Variants in TRIM66 observed in about 807,000 individuals in gnomAD.
TRIM66 encodes the protein tripartite motif-containing protein 66.
Under a neutral mutation model 148.2 loss-of-function variants are expected in TRIM66, and 99 were observed. The observed-to-expected ratio is 0.67, with a 90% CI of 0.57 to 0.79. The LOEUF (loss-of-function observed/expected upper bound fraction) is 0.79. Ranked by LOEUF, TRIM66 falls within the 30% of genes least tolerant of loss-of-function variation. The pLI is 0.00. For synonymous variants in TRIM66, 616 were observed against 635.9 expected, an observed-to-expected ratio of 0.97 and a Z score of 0.47; for missense variants, 1,666 against 1,697.9, an observed-to-expected ratio of 0.98 and a Z score of 0.33.
rs1302841029 is a variant in TRIM66 at position 8,679,720 on chromosome 11, C to T, written c.-290G>A. 6.6e-6 allele frequency: 1 copy of T among 152,664 alleles called. No homozygotes were observed. Among genetic ancestry groups the T allele is most frequent in the Non-Finnish European group, 1.5e-5 (1 of 68,088 alleles). 9.5% of individuals were successfully genotyped at this position (152,664 alleles called of 1,614,324 possible). On this transcript the variant is annotated 5_prime_UTR_variant, in exon 3 of 25. Transcript: ENST00000646038. The stretch of plus-strand genomic sequence containing the variant: ...TTTGATGTCAAATAGACGACGATGT[C>T]TTCTTTGATCTCCCCTCCTATTCTC...
chr11:8,642,925 C>T (rs946123356), intron 13 of TRIM66, 84 bp downstream of exon 13: 3 of 691,826 alleles, frequency 4.3e-6, no homozygotes, highest in Non-Finnish European at 6.4e-6. Flanking sequence ...TTCTCTTGGG[C>T]ATATGCTGAC....
intron 10 of TRIM66, among the ~76,000 whole-genome samples, chr11:8,646,844 G>T (rs2036888685): frequency 6.6e-6 from 1 of 151,890 alleles, no homozygotes; most frequent in Non-Finnish European, 1.5e-5. Flanking sequence ...AGGACCAAAA[G>T]AGAAAGTATG....
In TRIM66 at chr11:8,640,407, C is replaced by T. The variant is rs1397752679; in HGVS notation, c.1968G>A (p.Lys656=). ...CSQNMDIMHH[K]FELEEMQKDL... ...CCTTCTGCATTTCCTCCAGCTCAAA[C>T]TTGTGATGCATTATGTCCATGTTCT... The change falls in exon 14 of 25, where the codon AAG becomes AAA. Residue 656 remains lysine (K), a synonymous_variant. Coordinates refer to ENST00000646038, the MANE Select transcript of TRIM66 (RefSeq NM_001388022.1). 5 of 1,551,848 alleles carry T rather than the reference C, an allele frequency of 3.2e-6. No individual in the cohort carries two copies. In the South Asian group the frequency reaches 4.8e-5, roughly 15 times the overall value.
intron 8 of TRIM66, 30 bp downstream of exon 8, chr11:8,649,710 G>A: frequency 1.3e-6 from 2 of 1,549,518 alleles, no homozygotes; most frequent in Non-Finnish European, 1.7e-6. Context: ...TTAGGGCATG[G>A]GAGTGGGCAG....
chr11:8,638,587 C>G (rs772581350), intron 15 of TRIM66, 67 bp downstream of exon 15: 1 of 1,513,022 alleles, frequency 6.6e-7, no homozygotes, highest in Non-Finnish European at 8.9e-7. Context: ...TCCTCCTCCT[C>G]CAAGTGCCTG....
chr11:8,679,108 C>G (rs946761077), intron 3 of TRIM66: 1 of 152,226 alleles, frequency 6.6e-6, no homozygotes, highest in Non-Finnish European at 1.5e-5. Context: ...GTCCCATGTG[C>G]CTAGCTGGGA....
chr11:8,666,537 C>A (rs1306708347), intron 6 of TRIM66, among the ~76,000 whole-genome samples: 3 of 151,852 alleles, frequency 2.0e-5, no homozygotes, highest in Middle Eastern at 3.4e-3. Context: ...TTTCTATAAA[C>A]GAGGCATAGT....
intron 3 of TRIM66, among the ~76,000 whole-genome samples, chr11:8,675,951 A>C (rs751573368): frequency 2.6e-5 from 4 of 152,018 alleles, no homozygotes; most frequent in Admixed American, 6.6e-5. Context: ...GTTGGCCAGG[A>C]TGGTCTCAAT....
chr11:8,647,568 T>G (rs1445499430), intron 10 of TRIM66, among the ~76,000 whole-genome samples: 1 of 152,224 alleles, frequency 6.6e-6, no homozygotes, highest in Non-Finnish European at 1.5e-5. Flanking sequence ...TCATGTGACT[T>G]GTAGATTTAC....
chr11:8,658,480 C>G (rs1408520688), intron 6 of TRIM66, among the ~76,000 whole-genome samples: 2 of 152,326 alleles, frequency 1.3e-5, no homozygotes, highest in African/African-American at 4.8e-5. Context: ...GTGGCTGGAA[C>G]CTGCCCCGAT....
chr11:8,674,292 A>G (rs1258274645), intron 4 of TRIM66, among the ~76,000 whole-genome samples: 4 of 152,266 alleles, frequency 2.6e-5, no homozygotes, highest in African/African-American at 9.6e-5. Flanking sequence ...AAAATTTTAA[A>G]ACATTAATTT....
At chr11:8,672,878 G>A (rs1175900360) in intron 4 of TRIM66, among the ~76,000 whole-genome samples, 1 of 150,882 alleles carries the variant, frequency 6.6e-6, no homozygotes, top group African/African-American at 2.4e-5. Context: ...TGATCTGCCT[G>A]CCTTGGCCTC....
chr11:8,677,946 G>A lies in TRIM66; in HGVS notation c.-190+1674C>T, dbSNP rs189129694. Among the ~76,000 whole-genome samples the A allele has an allele frequency of 9.7e-4, 148 of 152,204 alleles. 1 individual carries two copies. Among genetic ancestry groups the A allele is most frequent in the African/African-American group, 3.3e-3 (135 of 41,518 alleles). Reference sequence around the variant, plus strand: ...TTTACTTTGTGCTGAAGAAAACCTCGCCTGATCCTATGGATTTCCCCTAAA... The same window carrying A: ...TTTACTTTGTGCTGAAGAAAACCTCACCTGATCCTATGGATTTCCCCTAAA... On this transcript the variant is annotated intron_variant, in intron 3 of 24. Coordinates refer to ENST00000646038, the MANE Select transcript of TRIM66 (RefSeq NM_001388022.1).
At chr11:8,622,176 G>C (rs2034292896) in intron 18 of TRIM66, among the ~76,000 whole-genome samples, 1 of 151,106 alleles carries the variant, frequency 6.6e-6, no homozygotes, top group African/African-American at 2.4e-5. Context: ...CGGACTCCAA[G>C]TTCTTCAGTT....
At chr11:8,637,586 T>C (rs1367852070) in intron 15 of TRIM66, among the ~76,000 whole-genome samples, 10 of 152,158 alleles carry the variant, frequency 6.6e-5, no homozygotes. Flanking sequence ...TCTCCTCAAG[T>C]GTCACGGAGA....
chr11:8,648,331 C>A lies in TRIM66; in HGVS notation c.725+85G>T, dbSNP rs966937903. 2.7e-6 allele frequency: 4 copies of A among 1,506,400 alleles called. No individual in the cohort carries two copies. In the African/African-American group the frequency reaches 5.6e-5, roughly 21 times the overall value. 93.3% of individuals were successfully genotyped at this position (1,506,400 alleles called of 1,614,324 possible). A position where few individuals can be genotyped will look rare whatever the true frequency, so the allele number is the denominator to read the frequency against. On this transcript the variant is annotated intron_variant, in intron 9 of 24. Transcript: ENST00000646038. ...GGTTGGCTTGGGCAGGGAGAAGATTCTGATGCACGGGGATTCCCAGAGCTC... is the reference window on the plus strand; with the variant it reads ...GGTTGGCTTGGGCAGGGAGAAGATTATGATGCACGGGGATTCCCAGAGCTC...
In TRIM66 at chr11:8,614,350, A is replaced by AAATAAAT. The variant is rs1555027053; in HGVS notation, c.*3593_*3594insATTTATT. ...TGAGACTCTCTCTCTCAAAAAATAA[A>AAATAAAT]AAATAAATAAATAAATAAATAAATA... On this transcript the variant is annotated 3_prime_UTR_variant, in exon 25 of 25. Coordinates refer to ENST00000646038, the MANE Select transcript of TRIM66 (RefSeq NM_001388022.1). 4.0e-5 allele frequency: 6 copies of AAATAAAT among 151,156 alleles called. No homozygotes were observed. Among genetic ancestry groups the AAATAAAT allele is most frequent in the African/African-American group, 1.5e-4 (6 of 40,740 alleles). The allele number at this position is 151,156 out of a possible 1,614,324, so 9.4% of individuals were successfully genotyped here.
At chr11:8,620,424 GT>G (rs1172572176) in intron 21 of TRIM66, 21 bp downstream of exon 21, 1 of 1,551,390 alleles carries the variant, frequency 6.4e-7, no homozygotes, top group Non-Finnish European at 8.7e-7. Context: ...AGGGAACCTT[GT>G]TTCCAAAGAC....
At position 8,622,255 on chromosome 11, in the gene TRIM66, C is replaced by T. The variant is rs114213339; in HGVS notation, c.3081-436G>A. 1.8e-3 allele frequency among the ~76,000 whole-genome samples: 260 copies of T among 148,112 alleles called. 1 individual carries two copies. Among genetic ancestry groups the T allele is most frequent in the African/African-American group, 5.9e-3 (235 of 39,974 alleles). ...AACCTATTGTGGGACCCTGTGATCACGTAAATTAATACTTAATAAACTTCC... is the reference window on the plus strand; with the variant it reads ...AACCTATTGTGGGACCCTGTGATCATGTAAATTAATACTTAATAAACTTCC... On this transcript the variant is annotated intron_variant, in intron 18 of 24. Transcript: ENST00000646038.
Sources: allele counts gnomAD v4.1 joint callset (sites outside exome capture counted in the v4.1 genomes callset), GRCh38; gene constraint gnomAD v4.1.1; transcripts MANE v1.5; gene names NCBI Gene and HGNC (gene_info 2026-07-23, HGNC 2026-07-21).